The following PATJ variants were observed in gnomAD, a reference collection of about 807,000 sequenced individuals.
PATJ encodes the protein inaD-like protein.
Under a neutral mutation model 224.9 loss-of-function variants are expected in PATJ, and 190 were observed. That is an observed-to-expected ratio of 0.84 (90% confidence interval 0.75 to 0.95). The LOEUF (loss-of-function observed/expected upper bound fraction) is 0.95. PATJ is among the 40% of genes least tolerant of loss of function. PATJ has a pLI of 0.00. For synonymous variants in PATJ, 769 were observed against 820.3 expected, an observed-to-expected ratio of 0.94 and a Z score of 1.07; for missense variants, 2,121 against 2,270.3, an observed-to-expected ratio of 0.93 and a Z score of 1.34.
chr1:62,013,567 C>G, intron 28 of PATJ: 1 of 900,710 alleles, frequency 1.1e-6, no homozygotes, highest in Non-Finnish European at 1.3e-6. Context: ...TACTGCCCAA[C>G]AAGGACTGAC....
chr1:62,068,480 G>T (rs1391278050), intron 31 of PATJ, among the ~76,000 whole-genome samples: 1 of 152,160 alleles, frequency 6.6e-6, no homozygotes, highest in Non-Finnish European at 1.5e-5. Flanking sequence ...ATGTGTGTAT[G>T]GCTGCCCAAA....
chr1:62,004,029 G>A (rs894085120), intron 28 of PATJ, among the ~76,000 whole-genome samples: 2 of 152,112 alleles, frequency 1.3e-5, no homozygotes, highest in African/African-American at 4.8e-5. Context: ...CTTCCCCTGT[G>A]CCTGCTAAGC....
At chr1:61,835,947 T>A (rs1660111197) in intron 17 of PATJ, among the ~76,000 whole-genome samples, 1 of 152,218 alleles carries the variant, frequency 6.6e-6, no homozygotes, top group Non-Finnish European at 1.5e-5. Flanking sequence ...TATATTTGCA[T>A]TCTTATAATA....
intron 33 of PATJ, among the ~76,000 whole-genome samples, chr1:62,104,920 C>T (rs1662709760): frequency 6.6e-6 from 1 of 152,164 alleles, no homozygotes; most frequent in African/African-American, 2.4e-5. Context: ...GATCCACCCA[C>T]CTCAAGTGAT....
chr1:62,086,117 A>T lies in PATJ; in HGVS notation c.4377+1469A>T, dbSNP rs1314774363. On this transcript the variant is annotated intron_variant, in intron 33 of 43. Coordinates refer to ENST00000642238, the MANE Select transcript of PATJ (RefSeq NM_001350145.3). This position sits in a 1 kb window ranked among gnomAD's most constrained non-coding sequence, Gnocchi z 4.0. ...GCATGAGCCACTGTGCCTGGCCAGG[A>T]TGATTGATTTTTCATTATTCAATAC... 2.0e-5 allele frequency among the ~76,000 whole-genome samples: 3 copies of T among 152,042 alleles called. No homozygotes were observed. The highest frequency in any genetic ancestry group is 4.4e-5 in the Non-Finnish European group (3 of 68,026).
chr1:62,027,988 G>T (rs1011550702), intron 29 of PATJ, among the ~76,000 whole-genome samples: 2 of 151,830 alleles, frequency 1.3e-5, no homozygotes, highest in Admixed American at 1.3e-4. Context: ...TTTTTATTTT[G>T]ATGTCCAATT....
intron 1 of PATJ, among the ~76,000 whole-genome samples, chr1:61,746,307 G>T (rs571250200): frequency 6.6e-6 from 1 of 152,266 alleles, no homozygotes; most frequent in African/African-American, 2.4e-5. Context: ...TCGAACTCCT[G>T]GTCCAAGCCG....
At chr1:62,019,099 G>T (rs1320384641) in intron 29 of PATJ, among the ~76,000 whole-genome samples, 1 of 152,026 alleles carries the variant, frequency 6.6e-6, no homozygotes, top group East Asian at 1.9e-4. Flanking sequence ...CAAAAAATTA[G>T]CCAGGTGTGA....
At chr1:62,044,407 C>G (rs143835665) in intron 30 of PATJ, among the ~76,000 whole-genome samples, 160 of 152,284 alleles carry the variant, frequency 1.1e-3, no homozygotes, top group African/African-American at 3.5e-3. Flanking sequence ...AACAATGAAA[C>G]AATCTGATCA....
chr1:61,887,543 T>C (rs1313279746), intron 22 of PATJ, among the ~76,000 whole-genome samples: 2 of 152,132 alleles, frequency 1.3e-5, no homozygotes, highest in Non-Finnish European at 2.9e-5. Flanking sequence ...ACCCTCTTTT[T>C]CCAATGCCCC....
chr1:61,949,358 G>A (rs1003847845), intron 27 of PATJ, among the ~76,000 whole-genome samples: 30 of 152,098 alleles, frequency 2.0e-4, no homozygotes, highest in African/African-American at 6.8e-4. Flanking sequence ...AATTTTTGGG[G>A]GGTGGTGGGA....
chr1:61,948,020 G>T (rs1239995122), intron 27 of PATJ, among the ~76,000 whole-genome samples: 1 of 152,158 alleles, frequency 6.6e-6, no homozygotes, highest in East Asian at 1.9e-4. Flanking sequence ...TATGTAGAAA[G>T]CTGAAACTGG....
chr1:62,124,193 G>A (rs1034249609), intron 39 of PATJ, among the ~76,000 whole-genome samples: 2 of 151,608 alleles, frequency 1.3e-5, no homozygotes, highest in East Asian at 2.0e-4. Context: ...AGTAATTCTC[G>A]TGCCTCAGCC....
intron 21 of PATJ, among the ~76,000 whole-genome samples, chr1:61,883,757 T>TAAA (rs66752201): frequency 8.8e-6 from 1 of 113,942 alleles, no homozygotes; most frequent in Non-Finnish European, 1.7e-5. Flanking sequence ...CTCCGTCTCT[T>TAAA]AAAAAAAAAA....
chr1:61,870,860 C>T (rs1666228794), intron 20 of PATJ, among the ~76,000 whole-genome samples: 1 of 152,148 alleles, frequency 6.6e-6, no homozygotes, highest in African/African-American at 2.4e-5. Context: ...CACAAGGTTT[C>T]AAATTTCTCC....
intron 7 of PATJ, among the ~76,000 whole-genome samples, chr1:61,785,700 G>T (rs910829170): frequency 2.0e-5 from 3 of 152,064 alleles, no homozygotes; most frequent in Admixed American, 6.6e-5. Flanking sequence ...GAAAAATTTT[G>T]TAAAAATTAG....
chr1:61,969,314 G>A (rs564565621), intron 27 of PATJ, among the ~76,000 whole-genome samples: 5 of 152,138 alleles, frequency 3.3e-5, no homozygotes, highest in African/African-American at 1.2e-4. Flanking sequence ...CTTCCATAGG[G>A]GTTATATACC....
chr1:61,842,298 A>G (rs181629182), intron 17 of PATJ, among the ~76,000 whole-genome samples: 19 of 152,316 alleles, frequency 1.2e-4, no homozygotes, highest in Admixed American at 5.2e-4. Context: ...GGAGGCCTCA[A>G]AGATCTTAAG....
At chr1:61,795,698 T>C (rs1169868442) in intron 10 of PATJ, 140 bp downstream of exon 10, 2 of 493,844 alleles carry the variant, frequency 4.0e-6, no homozygotes, top group Non-Finnish European at 7.1e-6. Context: ...TACAGTGAAA[T>C]CTCATTATTT....
Sources: gnomAD v4.1 joint callset for allele counts (sites outside exome capture counted in the v4.1 genomes callset) on GRCh38, gnomAD v4.1.1 for gene constraint, Gnocchi (gnomAD v3.1) non-coding constraint, MANE v1.5 for transcripts, NCBI Gene and HGNC (gene_info 2026-07-23, HGNC 2026-07-21) for gene names.